The following EIF2AK4 variants were observed in gnomAD, a reference collection of about 807,000 sequenced individuals.
EIF2AK4 encodes the protein eIF-2-alpha kinase GCN2.
In EIF2AK4, 139 loss-of-function variants were observed where a neutral mutation model predicts 211.1. That is an observed-to-expected ratio of 0.66 (90% CI 0.57 to 0.76). EIF2AK4 has a LOEUF of 0.76. Among genes scored for constraint, EIF2AK4 ranks in the 30% least tolerant of loss-of-function variants. The pLI, the probability that EIF2AK4 is intolerant of heterozygous loss-of-function variation, is 0.00. For missense variants in EIF2AK4, 1,664 were observed against 2,043.8 expected (o/e 0.81, Z 3.58); for synonymous variants, 710 against 751.3 (o/e 0.94, Z 0.90).
intron 27 of EIF2AK4, 90 bp downstream of exon 27, chr15:40,011,436 C>A: frequency 9.0e-7 from 1 of 1,115,054 alleles, no homozygotes; most frequent in Non-Finnish European, 1.3e-6. Context: ...AGTAGGGTAG[C>A]AGCCAGCGCT....
intron 35 of EIF2AK4, 52 bp from the exon 36 acceptor site, chr15:40,032,117 A>G: frequency 7.0e-7 from 1 of 1,429,256 alleles, no homozygotes; most frequent in Non-Finnish European, 9.9e-7. Context: ...TAAGATGGCA[A>G]GAAAGATGGC....
chr15:39,949,302 C>T, intron 4 of EIF2AK4, 34 bp downstream of exon 4: 1 of 1,609,498 alleles, frequency 6.2e-7, no homozygotes, highest in Non-Finnish European at 8.5e-7. Flanking sequence ...GTGTGCATGG[C>T]CAGCCTGGAG....
chr15:40,029,396 T>G lies in EIF2AK4; in HGVS notation c.4503-10T>G. The G allele has an allele frequency of 6.2e-7, 1 of 1,612,518 alleles. No homozygotes were observed. Among genetic ancestry groups the G allele is most frequent in the Non-Finnish European group, 8.5e-7 (1 of 1,179,782 alleles). On this transcript the variant is annotated splice_polypyrimidine_tract_variant and intron_variant, in intron 33 of 38. Coordinates refer to ENST00000263791, the MANE Select transcript of EIF2AK4 (RefSeq NM_001013703.4). Reference sequence around the variant, plus strand: ...CTGTTCTTTAATTGTTTTTGTTTGCTTGTTTTTAGAGAAGCTTCCGATAAT... The same window carrying G: ...CTGTTCTTTAATTGTTTTTGTTTGCGTGTTTTTAGAGAAGCTTCCGATAAT...
chr15:40,028,787 G>A (rs2035500077), intron 33 of EIF2AK4, among the ~76,000 whole-genome samples: 1 of 152,194 alleles, frequency 6.6e-6, no homozygotes, highest in Non-Finnish European at 1.5e-5. Context: ...AAATAGCCAA[G>A]TAGTGAGTAT....
At chr15:40,024,297 C>T (rs1250748438) in intron 32 of EIF2AK4, among the ~76,000 whole-genome samples, 1 of 151,996 alleles carries the variant, frequency 6.6e-6, no homozygotes, top group African/African-American at 2.4e-5. Flanking sequence ...ATCTTCTCAC[C>T]TCAGCCTCCA....
intron 26 of EIF2AK4, 87 bp downstream of exon 26, chr15:40,009,817 A>G (rs1166659130): frequency 3.1e-6 from 3 of 980,978 alleles, no homozygotes; most frequent in Non-Finnish European, 4.7e-6. Context: ...TTTCTTACCC[A>G]TGCAGCCATG....
chr15:39,981,924 CTTTT>C (rs34776250), intron 13 of EIF2AK4, among the ~76,000 whole-genome samples: 1 of 122,302 alleles, frequency 8.2e-6, no homozygotes, highest in South Asian at 2.6e-4. Context: ...AATGTGGTCA[CTTTT>C]TTTTTTTTTT....
rs191734414 is a variant in EIF2AK4, at chr15:39,989,679, G to T, written c.2527-594G>T. ...AATTTACCTTCATGTAATGGTAAAA[G>T]AGATCATTATTTTCTCTATTATAAT... On this transcript the variant is annotated intron_variant, in intron 15 of 38. Transcript: ENST00000263791. Among the ~76,000 whole-genome samples, 199 of 152,300 alleles carry T rather than the reference G, an allele frequency of 1.3e-3. 1 individual carries two copies. Among genetic ancestry groups the T allele is most frequent in the African/African-American group, 4.7e-3 (194 of 41,554 alleles).
chr15:39,992,718 T>G (rs760079483), intron 17 of EIF2AK4, 51 bp from the exon 18 acceptor site: 2 of 1,520,568 alleles, frequency 1.3e-6, no homozygotes, highest in African/African-American at 1.4e-5. Flanking sequence ...AGTTTGTGTC[T>G]TCTGTAAGTG....
At chr15:40,020,505 T>C (rs2035369995) in intron 30 of EIF2AK4, 1 of 56,442 alleles carries the variant, frequency 1.8e-5, no homozygotes, top group South Asian at 7.1e-4. Context: ...AATATATATA[T>C]GTATATATAT....
chr15:40,035,025 A>C lies in EIF2AK4; in HGVS notation c.4893-2A>C, dbSNP rs1019620934. On this transcript the variant is annotated splice_acceptor_variant, in intron 38 of 38. Transcript: ENST00000263791. LOFTEE classifies it high-confidence loss of function. ...CCTTATATCTTTTCTTTTCTTTTGC[A>C]GGGTGTCTGTGCTATTTCTGTACAG... 6.3e-7 allele frequency: 1 copy of C among 1,577,726 alleles called. No individual in the cohort carries two copies. Among genetic ancestry groups the C allele is most frequent in the African/African-American group, 1.3e-5 (1 of 74,434 alleles).
chr15:40,018,934 TG>T (rs761265631), intron 29 of EIF2AK4, among the ~76,000 whole-genome samples, 158 bp from the exon 30 acceptor site: 34 of 152,252 alleles, frequency 2.2e-4, no homozygotes, highest in Non-Finnish European at 3.8e-4. Flanking sequence ...AATTTGCATG[TG>T]TGCTTGCTTC....
At chr15:40,011,618 T>C (rs1419649590) in intron 27 of EIF2AK4, among the ~76,000 whole-genome samples, 3 of 152,174 alleles carry the variant, frequency 2.0e-5, no homozygotes, top group Non-Finnish European at 4.4e-5. Flanking sequence ...CTTTTCTTTG[T>C]CACCCCTTAT....
At chr15:39,952,140 C>G (rs1020229236) in intron 4 of EIF2AK4, among the ~76,000 whole-genome samples, 3 of 152,172 alleles carry the variant, frequency 2.0e-5, no homozygotes, top group African/African-American at 7.2e-5. Context: ...CAAAACAAAA[C>G]AAACATCCTG....
intron 14 of EIF2AK4, 38 bp downstream of exon 14, chr15:39,985,926 C>A (rs1037895273): frequency 1.3e-6 from 2 of 1,584,182 alleles, no homozygotes; most frequent in Non-Finnish European, 8.7e-7. Flanking sequence ...CACAGCAACA[C>A]CCAGTAGTGG....
chr15:39,992,682 C>A, intron 17 of EIF2AK4, 87 bp from the exon 18 acceptor site: 1 of 1,208,252 alleles, frequency 8.3e-7, no homozygotes, highest in Non-Finnish European at 1.2e-6. Flanking sequence ...TCATGCCTCA[C>A]TTTTAAGAAA....
intron 1 of EIF2AK4, among the ~76,000 whole-genome samples, chr15:39,936,825 A>G (rs2034071083): frequency 6.6e-6 from 1 of 152,192 alleles, no homozygotes; most frequent in South Asian, 2.1e-4. Context: ...CTGGGGCAGC[A>G]TCGAAAATCA....
chr15:40,003,494 A>G (rs372565816), intron 23 of EIF2AK4, among the ~76,000 whole-genome samples, 180 bp downstream of exon 23: 1 of 152,342 alleles, frequency 6.6e-6, no homozygotes, highest in East Asian at 1.9e-4. Flanking sequence ...TTGGTCCTGA[A>G]TGCCTCCACC....
At chr15:40,032,849 C>T (rs1382124532) in intron 37 of EIF2AK4, 48 bp downstream of exon 37, 2 of 1,550,846 alleles carry the variant, frequency 1.3e-6, no homozygotes, top group South Asian at 2.3e-5. Context: ...GATCCCAAAT[C>T]TTTGCTATTA....
Sources: allele counts gnomAD v4.1 joint callset (sites outside exome capture counted in the v4.1 genomes callset), GRCh38; gene constraint gnomAD v4.1.1; transcripts MANE v1.5; gene names NCBI Gene and HGNC (gene_info 2026-07-23, HGNC 2026-07-21).